Variants in PER3 observed in about 807,000 individuals in gnomAD.
PER3 encodes period circadian protein homolog 3.
In PER3, 107 loss-of-function variants were observed where a neutral mutation model predicts 127.2. The ratio of observed to expected loss-of-function variants is 0.84; its 90% CI spans 0.72 to 0.99. PER3 has a LOEUF of 0.99. Among genes scored for constraint, PER3 ranks in the 50% least tolerant of loss-of-function variants. The pLI is 0.00. For synonymous variants in PER3, 618 were observed against 585.8 expected (o/e 1.05, Z -0.79); for missense variants, 1,560 against 1,525.8 (o/e 1.02, Z -0.37).
chr1:7,789,939 TG>T (rs1214095367), intron 5 of PER3, among the ~76,000 whole-genome samples: 1 of 152,228 alleles, frequency 6.6e-6, no homozygotes, highest in Non-Finnish European at 1.5e-5. Flanking sequence ...TTTCAACCTT[TG>T]TCTGTATTTG....
chr1:7,801,041 T>A lies in PER3; in HGVS notation c.794-72T>A. ...TAGATTTTGTTCTCTTTTTAATATG[T>A]TAAGTGGTTAGTTAGGTGGATAATT... On this transcript the variant is annotated intron_variant, in intron 7 of 21. Transcript: ENST00000377532. 2 of 876,216 alleles carry A rather than the reference T, an allele frequency of 2.3e-6. 1 individual carries two copies. The allele number at this position is 876,216 out of a possible 1,614,324, so 54.3% of individuals were successfully genotyped here. A position where few individuals can be genotyped will look rare whatever the true frequency, so the allele number is the denominator to read the frequency against.
At chr1:7,798,149 C>G (rs2097154156) in intron 6 of PER3, among the ~76,000 whole-genome samples, 1 of 152,148 alleles carries the variant, frequency 6.6e-6, no homozygotes, top group African/African-American at 2.4e-5. Flanking sequence ...TGCAGGGGAC[C>G]CTGTTTTCTC....
chr1:7,793,226 G>A (rs891533832), intron 5 of PER3, among the ~76,000 whole-genome samples: 1 of 152,178 alleles, frequency 6.6e-6, no homozygotes, highest in Non-Finnish European at 1.5e-5. Flanking sequence ...GCTCTAATCA[G>A]AGGAAATACA....
At chr1:7,839,758 T>C (rs962831715) in intron 21 of PER3, among the ~76,000 whole-genome samples, 3 of 152,374 alleles carry the variant, frequency 2.0e-5, no homozygotes, top group South Asian at 4.1e-4. Context: ...GATAATCTTA[T>C]CGAGAATCTC....
At chr1:7,810,353 A>G (rs111756957) in intron 12 of PER3, 85 bp from the exon 13 acceptor site, 1 of 988,528 alleles carries the variant, frequency 1.0e-6, no homozygotes. Flanking sequence ...TCAAAGAAAC[A>G]GAAGCTAAGT....
intron 20 of PER3, chr1:7,836,768 ATC>A (rs2097360506): frequency 8.1e-6 from 3 of 368,296 alleles, no homozygotes; most frequent in Middle Eastern, 7.4e-4. Flanking sequence ...GCTAAGGGAA[ATC>A]TCTTTCTTCC....
chr1:7,840,301 T>C (rs1248156578), intron 21 of PER3, among the ~76,000 whole-genome samples: 1 of 151,964 alleles, frequency 6.6e-6, no homozygotes, highest in Non-Finnish European at 1.5e-5. Context: ...TCCATGTCTT[T>C]CTTTAATTCT....
intron 8 of PER3, among the ~76,000 whole-genome samples, chr1:7,802,522 C>T (rs899453581): frequency 5.3e-5 from 8 of 152,216 alleles, no homozygotes; most frequent in African/African-American, 1.9e-4. Context: ...GCCTCAGCCT[C>T]CCAAAGTGCT....
At chr1:7,786,013 T>C (rs917740487) in intron 3 of PER3, among the ~76,000 whole-genome samples, 1 of 152,152 alleles carries the variant, frequency 6.6e-6, no homozygotes, top group Non-Finnish European at 1.5e-5. Flanking sequence ...TCCCAGCACT[T>C]TGGGAGGCCG....
chr1:7,828,047 G>GT (rs1418486517), intron 18 of PER3, among the ~76,000 whole-genome samples: 2 of 152,252 alleles, frequency 1.3e-5, no homozygotes, highest in Non-Finnish European at 1.5e-5. Context: ...ACTTTGTGAG[G>GT]TTTTTTCCAA....
chr1:7,807,382 G>A (rs2097199603), intron 10 of PER3, among the ~76,000 whole-genome samples: 2 of 152,178 alleles, frequency 1.3e-5, no homozygotes, highest in African/African-American at 4.8e-5. Flanking sequence ...ATAGTCCCTA[G>A]ACGTGGAGAT....
At chr1:7,799,107 A>C (rs1218757589) in intron 7 of PER3, among the ~76,000 whole-genome samples, 1 of 152,240 alleles carries the variant, frequency 6.6e-6, no homozygotes, top group African/African-American at 2.4e-5. Flanking sequence ...CTATATTTCT[A>C]AATGCATATA....
intron 19 of PER3, 21 bp from the exon 20 acceptor site, chr1:7,835,741 T>A (rs776075305): frequency 6.4e-7 from 1 of 1,564,808 alleles, no homozygotes; most frequent in Non-Finnish European, 8.8e-7. Flanking sequence ...TTTCTAATTA[T>A]GTGTTGTTGA....
chr1:7,813,007 A>G, intron 13 of PER3, among the ~76,000 whole-genome samples: 1 of 152,256 alleles, frequency 6.6e-6, no homozygotes, highest in East Asian at 1.9e-4. Flanking sequence ...CATTGTTTAC[A>G]TGTGTTATAG....
intron 5 of PER3, among the ~76,000 whole-genome samples, chr1:7,789,216 TAAAAAAC>T (rs1412197773): frequency 1.3e-5 from 2 of 151,480 alleles, no homozygotes; most frequent in East Asian, 3.8e-4. Flanking sequence ...TTCATTGTAG[TAAAAAAC>T]ACATACAGTT....
chr1:7,827,284 T>G lies in PER3; in HGVS notation c.2355T>G (p.Ser785=), dbSNP rs146211083. The G allele has an allele frequency of 2.2e-5, 35 of 1,613,736 alleles. 1 individual carries two copies. The African/African-American group carries it at 3.9e-4, about 18-fold the overall frequency. The change falls in exon 18 of 22, where the codon TCT becomes TCG. Residue 785 remains serine, a synonymous_variant. Transcript: ENST00000377532. Reference sequence around the variant, plus strand: ...CCTGCTGCCCCTCCGCGGCCTCCTCTCCGCACACCTCGAGCCCGACCTTCC... The same window carrying G: ...CCTGCTGCCCCTCCGCGGCCTCCTCGCCGCACACCTCGAGCCCGACCTTCC... ...AQPCCPSAAS[S]PHTSSPTFPP...
Position 7,839,676 on chromosome 1 carries a change from T to C in PER3, c.3549+2527T>C, listed in dbSNP as rs116779860. 7.8e-3 allele frequency among the ~76,000 whole-genome samples: 1,187 copies of C among 152,342 alleles called. 9 individuals carry two copies. The highest frequency in any genetic ancestry group is 0.024 in the Middle Eastern group (7 of 294). Reference sequence around the variant, plus strand: ...AAAGGATTTCTTAGTTGACAGTTTTTTTTCTTTAAGCACTTTGAATACACT... The same window carrying C: ...AAAGGATTTCTTAGTTGACAGTTTTCTTTCTTTAAGCACTTTGAATACACT... On this transcript the variant is annotated intron_variant, in intron 21 of 21. Transcript: ENST00000377532.
At chr1:7,785,085 T>C (rs2097079879) in intron 2 of PER3, 80 bp downstream of exon 2, 15 of 1,463,878 alleles carry the variant, frequency 1.0e-5, no homozygotes, top group African/African-American at 1.5e-5. Context: ...CCTAAATCTT[T>C]TTATTCTTTT....
Position 7,788,220 on chromosome 1 carries a change from C to T in PER3, c.566C>T (p.Pro189Leu). Reference sequence around the variant, plus strand: ...GCGCACACTGCCAGAGCTCAGCTTCCTTTCTGGAACAACTGGACCCAAAGA... The same window carrying T: ...GCGCACACTGCCAGAGCTCAGCTTCTTTTCTGGAACAACTGGACCCAAAGA... ...FYAHTARAQLPFWNNWTQRAA... is the reference protein window; with the variant it reads ...FYAHTARAQLLFWNNWTQRAA... Residue 189 changes from proline to leucine, a missense_variant, in exon 5 of 22, where the codon CCT (proline) becomes CTT (leucine). By Grantham distance (98) the Pro-to-Leu change is moderately conservative. Transcript: ENST00000377532. The T allele has an allele frequency of 6.2e-7, 1 of 1,613,862 alleles. No individual in the cohort carries two copies. Among genetic ancestry groups the T allele is most frequent in the East Asian group, 2.2e-5 (1 of 44,888 alleles).
Sources: allele counts gnomAD v4.1 joint callset (sites outside exome capture counted in the v4.1 genomes callset), GRCh38; gene constraint gnomAD v4.1.1; transcripts MANE v1.5; gene names NCBI Gene and HGNC (gene_info 2026-07-23, HGNC 2026-07-21).